WDR88: variants seen among roughly 807,000 people sequenced by gnomAD.
The protein encoded by WDR88 is WD repeat-containing protein 88.
In WDR88, 40 loss-of-function variants were observed where a neutral mutation model predicts 46.8. The observed-to-expected ratio is 0.86, with a 90% CI of 0.66 to 1.11. The LOEUF is 1.11. WDR88 is among the 50% of genes most tolerant of loss of function. The pLI, the probability that WDR88 is intolerant of heterozygous loss-of-function variation, is 0.00. For synonymous variants in WDR88, 235 were observed against 240.7 expected, an observed-to-expected ratio of 0.98 and a Z score of 0.22; for missense variants, 562 against 602.4, an observed-to-expected ratio of 0.93 and a Z score of 0.70.
At chr19:33,173,283 C>T (rs1299615514) in intron 10 of WDR88, among the ~76,000 whole-genome samples, 1 of 152,088 alleles carries the variant, frequency 6.6e-6, no homozygotes, top group Non-Finnish European at 1.5e-5. Flanking sequence ...CAGCTGGGCA[C>T]TGCGTCAGCC....
At chr19:33,168,885 T>G (rs1195608713) in intron 9 of WDR88, among the ~76,000 whole-genome samples, 1 of 152,172 alleles carries the variant, frequency 6.6e-6, no homozygotes, top group Non-Finnish European at 1.5e-5. Flanking sequence ...CTACAGTAAT[T>G]AAAACAGTGT....
chr19:33,167,923 G>C (rs774904276), intron 9 of WDR88, among the ~76,000 whole-genome samples: 10 of 151,180 alleles, frequency 6.6e-5, no homozygotes, highest in Non-Finnish European at 1.5e-4. Flanking sequence ...TCACCATGTT[G>C]TCCAGGCTGG....
Position 33,132,313 on chromosome 19 carries a change from G to C in WDR88, c.144G>C (p.Ser48=). Reference sequence around the variant, plus strand: ...GGGCCTTAGGCCGCTTCAAGCTGTCGATCCCGCACACGCACCTGCTGGCCA... The same window carrying C: ...GGGCCTTAGGCCGCTTCAAGCTGTCCATCCCGCACACGCACCTGCTGGCCA... ...MARALGRFKL[S]IPHTHLLATL... Residue 48 remains serine, a synonymous_variant, in exon 1 of 11, where the codon TCG becomes TCC. Coordinates refer to ENST00000355868, the MANE Select transcript of WDR88 (RefSeq NM_173479.4). 1 of 1,613,968 alleles carries C rather than the reference G, an allele frequency of 6.2e-7. No individual in the cohort carries two copies.
At chr19:33,133,778 C>A (rs1236827347) in intron 1 of WDR88, among the ~76,000 whole-genome samples, 13 of 152,250 alleles carry the variant, frequency 8.5e-5, no homozygotes. Context: ...GCAGGTCTGG[C>A]CTCAGGGATC....
intron 2 of WDR88, among the ~76,000 whole-genome samples, chr19:33,141,694 T>G (rs1463401672): frequency 6.6e-6 from 1 of 152,170 alleles, no homozygotes; most frequent in Non-Finnish European, 1.5e-5. Flanking sequence ...TTGTTTGTTT[T>G]TTTGAGATGG....
chr19:33,144,043 T>C (rs894680440), intron 2 of WDR88, among the ~76,000 whole-genome samples: 1 of 152,126 alleles, frequency 6.6e-6, no homozygotes, highest in African/African-American at 2.4e-5. Context: ...TGGGCCGATC[T>C]CTGCACAGCC....
At chr19:33,143,759 CCCCAAAGTTAACGGCTGTGAAAAT>C (rs1451422125) in intron 2 of WDR88, among the ~76,000 whole-genome samples, 1 of 152,030 alleles carries the variant, frequency 6.6e-6, no homozygotes, top group Non-Finnish European at 1.5e-5. Flanking sequence ...CTTTCCATGA[CCCCAAAGTTAACGGCTGTGAAAAT>C]GTTGTCATAG....
At chr19:33,172,984 C>T (rs1016445838) in intron 10 of WDR88, among the ~76,000 whole-genome samples, 1 of 147,492 alleles carries the variant, frequency 6.8e-6, no homozygotes, top group African/African-American at 2.5e-5. Flanking sequence ...ACCAGCTACT[C>T]GAGAGGCTAA....
chr19:33,156,918 G>A (rs780800849), intron 7 of WDR88, among the ~76,000 whole-genome samples: 9 of 152,138 alleles, frequency 5.9e-5, no homozygotes, highest in African/African-American at 9.7e-5. Context: ...AAAGATGGCC[G>A]GATGAGGTGC....
At chr19:33,135,060 G>T (rs909679679) in intron 1 of WDR88, among the ~76,000 whole-genome samples, 1 of 151,582 alleles carries the variant, frequency 6.6e-6, no homozygotes, top group Non-Finnish European at 1.5e-5. Context: ...GGTGGGTGGG[G>T]GGGGTGACAT....
Position 33,132,454 on chromosome 19 carries a change from C to A in WDR88, c.276+9C>A, listed in dbSNP as rs754830898. Reference sequence around the variant, plus strand: ...AGGACCCTCTCTCCAAGGTCAGAACCGCCGCTGGGGTGAGGGGGCACTGGC... The same window carrying A: ...AGGACCCTCTCTCCAAGGTCAGAACAGCCGCTGGGGTGAGGGGGCACTGGC... On this transcript the variant is annotated intron_variant, in intron 1 of 10. Transcript: ENST00000355868. The A allele has an allele frequency of 2.5e-6, 4 of 1,613,022 alleles. No homozygotes were observed. Among genetic ancestry groups the A allele is most frequent in the South Asian group, 1.1e-5 (1 of 91,060 alleles).
intron 2 of WDR88, 130 bp from the exon 3 acceptor site, chr19:33,144,714 G>A (rs1050526139): frequency 1.3e-6 from 1 of 793,686 alleles, no homozygotes; most frequent in African/African-American, 1.7e-5. Flanking sequence ...CTGAGTGAGA[G>A]TCCCAGGACC....
At chr19:33,174,862 G>A in intron 10 of WDR88, 18 of 984,560 alleles carry the variant, frequency 1.8e-5, no homozygotes, top group Non-Finnish European at 2.2e-5. Flanking sequence ...GACATGAGCT[G>A]GCAGGACCTG....
chr19:33,136,928 A>C (rs1458496591), intron 1 of WDR88, among the ~76,000 whole-genome samples: 1 of 149,992 alleles, frequency 6.7e-6, no homozygotes, highest in Non-Finnish European at 1.5e-5. Flanking sequence ...GCCCATTTAA[A>C]ATTTTAATTT....
chr19:33,162,735 C>T (rs972471311), intron 8 of WDR88, among the ~76,000 whole-genome samples: 1 of 152,060 alleles, frequency 6.6e-6, no homozygotes, highest in East Asian at 1.9e-4. Flanking sequence ...TTTTAAAAAA[C>T]CATACACAGT....
At chr19:33,160,644 A>G (rs1973849898) in intron 8 of WDR88, 148 bp downstream of exon 8, 1 of 810,390 alleles carries the variant, frequency 1.2e-6, no homozygotes, top group South Asian at 1.6e-5. Context: ...AAGCCAGCAA[A>G]CACACCACCG....
chr19:33,134,129 C>T (rs1973197150), intron 1 of WDR88, among the ~76,000 whole-genome samples: 2 of 152,162 alleles, frequency 1.3e-5, no homozygotes, highest in South Asian at 4.1e-4. Flanking sequence ...CTGAAATGTA[C>T]TCATGTGTTG....
intron 1 of WDR88, among the ~76,000 whole-genome samples, chr19:33,136,158 C>T (rs532378825): frequency 6.6e-4 from 101 of 151,980 alleles, no homozygotes; most frequent in Admixed American, 1.2e-3. Context: ...CGGGTTCAAG[C>T]GATTCTCCTG....
At chr19:33,155,919 C>T (rs150232389) in intron 6 of WDR88, among the ~76,000 whole-genome samples, 35 of 152,322 alleles carry the variant, frequency 2.3e-4, no homozygotes, top group African/African-American at 5.5e-4. Flanking sequence ...AGTGACCCAG[C>T]TCAAAATGTC....
Sources: gnomAD v4.1 joint callset for allele counts (sites outside exome capture counted in the v4.1 genomes callset) on GRCh38, gnomAD v4.1.1 for gene constraint, MANE v1.5 for transcripts, NCBI Gene and HGNC (gene_info 2026-07-23, HGNC 2026-07-21) for gene names.